Variants in GRB10 observed in about 807,000 individuals in gnomAD.
GRB10 encodes the protein growth factor receptor-bound protein 10.
Under a neutral mutation model 80.9 loss-of-function variants are expected in GRB10, and 20 were observed. That is an observed-to-expected ratio of 0.25 (90% CI 0.17 to 0.36). GRB10 has a LOEUF of 0.36. Ranked by LOEUF, GRB10 falls within the 10% of genes least tolerant of loss-of-function variation. GRB10 has a pLI of 1.00. For synonymous variants in GRB10, 291 were observed against 291.5 expected, an observed-to-expected ratio of 1.00 and a Z score of 0.02; for missense variants, 548 against 747.7, an observed-to-expected ratio of 0.73 and a Z score of 3.12.
At chr7:50,784,542 C>A (rs1240458180), upstream of GRB10, among the ~76,000 whole-genome samples, 6 of 152,202 alleles carry the variant, frequency 3.9e-5, no homozygotes, top group Non-Finnish European at 2.9e-5. Context: ...GCTTCCCTGC[C>A]ACACTCCCCT....
chr7:50,728,294 T>G (rs1281868991), intron 4 of GRB10, among the ~76,000 whole-genome samples: 2 of 151,852 alleles, frequency 1.3e-5, no homozygotes, highest in Admixed American at 6.6e-5. Flanking sequence ...ATAACAACAG[T>G]GACAGACTTT....
intron 5 of GRB10, among the ~76,000 whole-genome samples, chr7:50,690,792 T>A (rs1042968162): frequency 4.6e-5 from 7 of 152,222 alleles, no homozygotes; most frequent in Non-Finnish European, 8.8e-5. Context: ...GCTGCAAGCA[T>A]CCTGACAGCT....
At chr7:50,635,657 A>C (rs2054836830) in intron 7 of GRB10, among the ~76,000 whole-genome samples, 1 of 152,102 alleles carries the variant, frequency 6.6e-6, no homozygotes, top group Non-Finnish European at 1.5e-5. Context: ...CTAAGAACAA[A>C]AGAAGATTCA....
intron 3 of GRB10, among the ~76,000 whole-genome samples, chr7:50,744,564 C>T (rs1169047425): frequency 6.6e-6 from 1 of 152,212 alleles, no homozygotes; most frequent in African/African-American, 2.4e-5. Context: ...ATAGTTATTA[C>T]ATACTGTATT....
intron 13 of GRB10, 43 bp from the exon 14 acceptor site, chr7:50,606,457 C>G (rs372429316): frequency 6.9e-7 from 1 of 1,449,750 alleles, no homozygotes; most frequent in African/African-American, 1.4e-5. Flanking sequence ...CCGGGAGCCC[C>G]GAGGCCCGGC....
At chr7:50,750,507 C>T (rs2073932175) in intron 3 of GRB10, among the ~76,000 whole-genome samples, 2 of 152,212 alleles carry the variant, frequency 1.3e-5, no homozygotes, top group Non-Finnish European at 2.9e-5. Flanking sequence ...TCAATAGAAG[C>T]TCCAATGATC....
At chr7:50,755,537 A>G (rs1481031406) in intron 3 of GRB10, among the ~76,000 whole-genome samples, 2 of 152,088 alleles carry the variant, frequency 1.3e-5, no homozygotes, top group Non-Finnish European at 1.5e-5. Context: ...GCCCAGAGTG[A>G]CCCAGGAGGC....
intron 2 of GRB10, among the ~76,000 whole-genome samples, chr7:50,775,504 G>A (rs1210496731): frequency 1.3e-5 from 2 of 152,154 alleles, no homozygotes; most frequent in African/African-American, 4.8e-5. Flanking sequence ...ACAGGCTCTC[G>A]AGGGCAGCCC....
intron 7 of GRB10, among the ~76,000 whole-genome samples, chr7:50,669,133 C>T (rs2060102911): frequency 6.6e-6 from 1 of 152,190 alleles, no homozygotes; most frequent in South Asian, 2.1e-4. Flanking sequence ...AACTAAGATT[C>T]ATCTTTAAAC....
intron 17 of GRB10, among the ~76,000 whole-genome samples, chr7:50,596,872 C>A (rs1489558701): frequency 3.9e-5 from 6 of 151,976 alleles, no homozygotes; most frequent in African/African-American, 1.2e-4. Context: ...ACAAAAAAGG[C>A]ATAAAATCAT....
chr7:50,773,020 T>C (rs2077132860), intron 2 of GRB10, among the ~76,000 whole-genome samples: 1 of 152,006 alleles, frequency 6.6e-6, no homozygotes, highest in Non-Finnish European at 1.5e-5. Flanking sequence ...AAGAAAGAAG[T>C]TTAATGGACT....
At chr7:50,684,540 C>G (rs1213602120) in intron 5 of GRB10, among the ~76,000 whole-genome samples, 2 of 152,148 alleles carry the variant, frequency 1.3e-5, no homozygotes, top group African/African-American at 4.8e-5. Context: ...AAGATCCCGT[C>G]AGGCCCTTTA....
chr7:50,703,914 A>G lies in GRB10; in HGVS notation c.52-6T>C, dbSNP rs1272069620. The G allele has an allele frequency of 6.2e-7, 1 of 1,608,862 alleles. No individual in the cohort carries two copies. The highest frequency in any genetic ancestry group is 8.5e-7 in the Non-Finnish European group (1 of 1,175,658). ...GGTGTCTGCTCCACCTTGTCCTAAA[A>G]AAACAGGACCGCAGCAGAAAGGCTG... is the stretch of plus-strand genomic sequence containing the variant. On this transcript the variant is annotated splice_region_variant and splice_polypyrimidine_tract_variant and intron_variant, in intron 4 of 18. Transcript: ENST00000401949.
rs924769111 is a variant in GRB10 at position 50,782,871 on chromosome 7, C to A, written c.-774G>T. The A allele has an allele frequency of 6.6e-6, 1 of 152,172 alleles. No homozygotes were observed. Among genetic ancestry groups the A allele is most frequent in the East Asian group, 1.9e-4 (1 of 5,156 alleles). The allele number at this position is 152,172 out of a possible 1,614,324, so 9.4% of individuals were successfully genotyped here. A position where few individuals can be genotyped will look rare whatever the true frequency, so the allele number is the denominator to read the frequency against. On this transcript the variant is annotated 5_prime_UTR_variant, in exon 1 of 19. Transcript: ENST00000401949. This position sits in a 1 kb window ranked among gnomAD's most constrained non-coding sequence, Gnocchi z 6.6. Reference sequence around the variant, plus strand: ...AGCGGGAGGACGACGGAGCAGCGCCCGGTCCTGGAGCACAACAGGAATCCC... The same window carrying A: ...AGCGGGAGGACGACGGAGCAGCGCCAGGTCCTGGAGCACAACAGGAATCCC...
At chr7:50,636,901 G>A (rs911706921) in intron 7 of GRB10, among the ~76,000 whole-genome samples, 1 of 152,194 alleles carries the variant, frequency 6.6e-6, no homozygotes, top group African/African-American at 2.4e-5. Flanking sequence ...GCAAGAGAAA[G>A]AAATAAAAGG....
chr7:50,774,754 A>G (rs938762505), intron 2 of GRB10, among the ~76,000 whole-genome samples: 8 of 152,112 alleles, frequency 5.3e-5, no homozygotes, highest in South Asian at 2.1e-4. Context: ...AATAGCCCCA[A>G]TGTCTTATCT....
chr7:50,741,514 T>C (rs1305684266), intron 3 of GRB10, among the ~76,000 whole-genome samples: 3 of 127,670 alleles, frequency 2.3e-5, no homozygotes, highest in African/African-American at 9.3e-5. Flanking sequence ...CCATGCTACA[T>C]CCAAATAAAG....
rs1296918352 is a variant in GRB10, at chr7:50,775,161, CAAAAAAAAAAAACAA to C, written c.-217+5451_-217+5465del. On this transcript the variant is annotated intron_variant, in intron 2 of 18. Transcript: ENST00000401949. ...GAATGACACAGTGAGATCCTGTCTC[CAAAAAAAAAAAACAA>C]AAAAAAACAGTGGAACAGACAAAGA... 1.3e-4 allele frequency among the ~76,000 whole-genome samples: 4 copies of C among 31,026 alleles called. No individual in the cohort carries two copies. The South Asian group carries it at 5.3e-3, about 41-fold the overall frequency. 20.4% of individuals were successfully genotyped at this position (31,026 alleles called of 152,430 possible). A position where few individuals can be genotyped will look rare whatever the true frequency, so the allele number is the denominator to read the frequency against.
chr7:50,676,574 C>G (rs1220316015), intron 5 of GRB10, among the ~76,000 whole-genome samples: 2 of 152,334 alleles, frequency 1.3e-5, no homozygotes, highest in East Asian at 3.9e-4. Flanking sequence ...ATCCCTCATT[C>G]TCTCCTACCA....
Sources: gnomAD v4.1 joint callset for allele counts (sites outside exome capture counted in the v4.1 genomes callset) on GRCh38, gnomAD v4.1.1 for gene constraint, Gnocchi (gnomAD v3.1) non-coding constraint, MANE v1.5 for transcripts, NCBI Gene and HGNC (gene_info 2026-07-23, HGNC 2026-07-21) for gene names.